The following COL5A1 variants were observed in gnomAD, a reference collection of about 807,000 sequenced individuals.
COL5A1 encodes the protein collagen type V alpha 1 chain, also known as collagen alpha-1(V) chain.
COL5A1 carries 16 observed loss-of-function variants against 263.7 expected under a neutral mutation model. The ratio of observed to expected loss-of-function variants is 0.06; its 90% CI spans 0.04 to 0.09. The LOEUF (loss-of-function observed/expected upper bound fraction) is 0.09. COL5A1 is among the 10% of genes least tolerant of loss of function. The pLI is 1.00. For missense variants in COL5A1, 2,036 were observed against 2,540.5 expected, an observed-to-expected ratio of 0.80 and a Z score of 4.27; for synonymous variants, 1,012 against 1,004.5, an observed-to-expected ratio of 1.01 and a Z score of -0.14.
At position 134,834,826 on chromosome 9, in the gene COL5A1, G is replaced by A. The variant is rs750184563; in HGVS notation, c.5137-145G>A. 1.2e-4 allele frequency: 77 copies of A among 659,964 alleles called. 1 individual carries two copies. Among genetic ancestry groups the A allele is most frequent in the Admixed American group, 1.0e-3 (44 of 43,730 alleles). 40.9% of individuals were successfully genotyped at this position (659,964 alleles called of 1,614,324 possible). A position where few individuals can be genotyped will look rare whatever the true frequency, so the allele number is the denominator to read the frequency against. ...AAGAGAGCCCATGTGCGCTGGCCTC[G>A]GCCGGGTCTGTGGGTACAGTGCGTT... On this transcript the variant is annotated intron_variant, in intron 64 of 65. Transcript: ENST00000371817.
intron 65 of COL5A1, among the ~76,000 whole-genome samples, chr9:134,836,790 A>C (rs946964686): frequency 1.3e-5 from 2 of 152,224 alleles, no homozygotes; most frequent in African/African-American, 4.8e-5. Context: ...TGTGTCTCCC[A>C]GGGCCATCCC....
chr9:134,654,595 GA>G (rs1487946655), intron 1 of COL5A1, among the ~76,000 whole-genome samples: 3 of 125,584 alleles, frequency 2.4e-5, no homozygotes, highest in African/African-American at 3.0e-5. Flanking sequence ...GTAGGGCTGG[GA>G]GTGTGTAGGG....
intron 61 of COL5A1, among the ~76,000 whole-genome samples, chr9:134,823,731 T>C (rs1839124078): frequency 6.6e-6 from 1 of 152,150 alleles, no homozygotes; most frequent in African/African-American, 2.4e-5. Context: ...ATGCATGGTA[T>C]ATGAATGTGT....
intron 11 of COL5A1, among the ~76,000 whole-genome samples, chr9:134,747,712 TACAC>T (rs1214783935): frequency 5.8e-5 from 8 of 137,362 alleles, no homozygotes; most frequent in African/African-American, 2.5e-4. Flanking sequence ...CATGCATTCA[TACAC>T]ACATGCAGAC....
At position 134,759,712 on chromosome 9, in the gene COL5A1, ACC is replaced by A. The variant is rs200903656; in HGVS notation, c.1935+1422_1935+1423del. 3.4e-3 allele frequency among the ~76,000 whole-genome samples: 190 copies of A among 55,340 alleles called. 10 individuals carry two copies. Among genetic ancestry groups the A allele is most frequent in the African/African-American group, 0.017 (176 of 10,574 alleles). The allele number at this position is 55,340 out of a possible 152,430, so 36.3% of individuals were successfully genotyped here. The stretch of plus-strand genomic sequence containing the variant: ...CATACACATATGCACACATGCACAC[ACC>A]CCCCCACCCCCACACTCATACACAC... On this transcript the variant is annotated intron_variant, in intron 18 of 65. Transcript: ENST00000371817.
rs185657887 is a variant in COL5A1 at position 134,735,014 on chromosome 9, C to T, written c.1389+2887C>T. ...TCACCTGAAGTCAGGAGTTCGAGAC[C>T]ATCCTGACCACCATGGCAAAACCCT... is the stretch of plus-strand genomic sequence containing the variant. On this transcript the variant is annotated intron_variant, in intron 9 of 65. Coordinates refer to ENST00000371817, the MANE Select transcript of COL5A1 (RefSeq NM_000093.5). Among the ~76,000 whole-genome samples, 930 of 152,066 alleles carry T rather than the reference C, an allele frequency of 6.1e-3. 14 individuals are homozygous for T. The highest frequency in any genetic ancestry group is 0.021 in the African/African-American group (881 of 41,448).
Position 134,680,528 on chromosome 9 carries a change from A to C in COL5A1, c.110-10384A>C, listed in dbSNP as rs963263587. On this transcript the variant is annotated intron_variant, in intron 1 of 65. Transcript: ENST00000371817. The surrounding 1 kb of genome is among the most constrained non-coding windows in gnomAD (Gnocchi z 5.9). ...CCCCGCTGTGGAGGGCGGAGCTGGCATCCTGACTAGCCCTGGTCAGTTCCA... is the reference window on the plus strand; with the variant it reads ...CCCCGCTGTGGAGGGCGGAGCTGGCCTCCTGACTAGCCCTGGTCAGTTCCA... Among the ~76,000 whole-genome samples, 2 of 152,200 alleles carry C rather than the reference A, an allele frequency of 1.3e-5. No homozygotes were observed. The highest frequency in any genetic ancestry group is 2.9e-5 in the Non-Finnish European group (2 of 68,034).
intron 11 of COL5A1, among the ~76,000 whole-genome samples, chr9:134,739,600 C>T (rs536736949): frequency 1.2e-4 from 18 of 152,280 alleles, no homozygotes; most frequent in Admixed American, 1.1e-3. Context: ...GATGTCAGAG[C>T]GCAGTGGCTA....
At chr9:134,702,597 C>T (rs1833713073) in intron 4 of COL5A1, among the ~76,000 whole-genome samples, 1 of 152,212 alleles carries the variant, frequency 6.6e-6, no homozygotes, top group Admixed American at 6.5e-5. Context: ...TTAAAGATAT[C>T]GATGTCTGCT....
Position 134,822,102 on chromosome 9 carries a change from C to T in COL5A1, c.4560C>T (p.Ile1520=), listed in dbSNP as rs2228559. The T allele has an allele frequency of 0.028, 45,938 of 1,613,196 alleles. 793 individuals are homozygous for T. Among genetic ancestry groups the T allele is most frequent in the African/African-American group, 0.065 (4,883 of 75,006 alleles). ...GSSGPKGEQG[I]TGPSGPIGPP... ...CATTTTCTGGTCCTTTTCAGGGTAT[C>T]ACTGGTCCTTCTGGCCCGATTGGGC... The change falls in exon 59 of 66, where the codon ATC becomes ATT. Residue 1520 remains isoleucine, a synonymous_variant. Transcript: ENST00000371817.
rs1470227279 is a variant in COL5A1 at position 134,809,113 on chromosome 9, G to A, written c.3367-70G>A. On this transcript the variant is annotated intron_variant, in intron 42 of 65. Coordinates refer to ENST00000371817, the MANE Select transcript of COL5A1 (RefSeq NM_000093.5). ...TCCTGCCAGCGGATCCCTCTCTTGG[G>A]TAATGAGCTGGTGGGGGGATGTTCC... is the stretch of plus-strand genomic sequence containing the variant. 2.3e-6 allele frequency: 3 copies of A among 1,288,658 alleles called. No individual in the cohort carries two copies. In the African/African-American group the frequency reaches 4.4e-5, roughly 19 times the overall value. 79.8% of individuals were successfully genotyped at this position (1,288,658 alleles called of 1,614,324 possible).
chr9:134,752,939 CTGAATGGAAAGGAGCTGGCAG>C (rs1465061883), intron 14 of COL5A1, among the ~76,000 whole-genome samples: 7 of 152,092 alleles, frequency 4.6e-5, no homozygotes, highest in Admixed American at 4.6e-4. Context: ...CAACTCCATC[CTGAATGGAAAGGAGCTGGCAG>C]GAATCAGAGG....
At chr9:134,811,646 C>T (rs1390518938) in intron 46 of COL5A1, 47 bp downstream of exon 46, 12 of 1,414,188 alleles carry the variant, frequency 8.5e-6, no homozygotes, top group Middle Eastern at 2.1e-4. Flanking sequence ...CTTCTGACGC[C>T]CCCTGTGTCT....
intron 3 of COL5A1, 28 bp from the exon 4 acceptor site, chr9:134,701,143 C>T (rs1257929722): frequency 6.2e-7 from 1 of 1,613,108 alleles, no homozygotes; most frequent in South Asian, 1.1e-5. Context: ...TGATCCAAGC[C>T]CTGTCTTCAC....
At chr9:134,759,349 C>T (rs1457247143) in intron 18 of COL5A1, among the ~76,000 whole-genome samples, 1 of 141,028 alleles carries the variant, frequency 7.1e-6, no homozygotes, top group Non-Finnish European at 1.5e-5. Flanking sequence ...CACACACACA[C>T]CCACATTCAT....
chr9:134,788,298 A>G (rs1837537559), intron 31 of COL5A1, among the ~76,000 whole-genome samples: 1 of 145,756 alleles, frequency 6.9e-6, no homozygotes, highest in Non-Finnish European at 1.5e-5. Context: ...GCAGGTAAGT[A>G]GACAGGTCGA....
chr9:134,700,525 G>A lies in COL5A1; in HGVS notation c.491+403G>A, dbSNP rs530876174. Among the ~76,000 whole-genome samples the A allele has an allele frequency of 6.6e-6, 1 of 152,316 alleles. No individual in the cohort carries two copies. The highest frequency in any genetic ancestry group is 2.1e-4 in the South Asian group (1 of 4,820). On this transcript the variant is annotated intron_variant, in intron 3 of 65. Transcript: ENST00000371817. The surrounding 1 kb of genome is among the most constrained non-coding windows in gnomAD (Gnocchi z 4.0). ...GTGAGCATGAGAAAAAGCGGGTCGT[G>A]CCAGCACGCTCTGTTGGGTGCAGAC...
rs1470461688 is a variant in COL5A1 at position 134,681,398 on chromosome 9, G to T, written c.110-9514G>T. ...ATCTGCGGGTGCCGGGCTGTGCGGG[G>T]CCCCTGCCCTCCTGCAGTTCACAGC... On this transcript the variant is annotated intron_variant, in intron 1 of 65. Coordinates refer to ENST00000371817, the MANE Select transcript of COL5A1 (RefSeq NM_000093.5). The surrounding 1 kb of genome is among the most constrained non-coding windows in gnomAD (Gnocchi z 4.3). 6.6e-6 allele frequency among the ~76,000 whole-genome samples: 1 copy of T among 152,216 alleles called. No homozygotes were observed. The highest frequency in any genetic ancestry group is 1.5e-5 in the Non-Finnish European group (1 of 68,034).
At chr9:134,801,645 G>T (rs375233153) in intron 37 of COL5A1, among the ~76,000 whole-genome samples, 4 of 152,156 alleles carry the variant, frequency 2.6e-5, no homozygotes, top group African/African-American at 9.7e-5. Context: ...AAATTTGCCA[G>T]GTGTGATGGT....
Sources: allele counts gnomAD v4.1 joint callset (sites outside exome capture counted in the v4.1 genomes callset), GRCh38; gene constraint gnomAD v4.1.1; non-coding constraint Gnocchi (gnomAD v3.1); transcripts MANE v1.5; gene names NCBI Gene and HGNC (gene_info 2026-07-23, HGNC 2026-07-21).